Variants in BTBD8 observed in about 807,000 individuals in gnomAD.
BTBD8 encodes the protein BTB/POZ domain-containing protein 8.
Under a neutral mutation model 162.9 loss-of-function variants are expected in BTBD8, and 110 were observed. That is an observed-to-expected ratio of 0.68 (90% CI 0.58 to 0.79). The LOEUF is 0.79. BTBD8 is among the 30% of genes least tolerant of loss of function. BTBD8 has a pLI of 0.00. For missense variants in BTBD8, 1,905 were observed against 2,085.4 expected (o/e 0.91, Z 1.68); for synonymous variants, 667 against 716.1 (o/e 0.93, Z 1.10).
At chr1:92,128,901 T>C (rs112930138) in intron 4 of BTBD8, among the ~76,000 whole-genome samples, 2,149 of 152,174 alleles carry the variant, frequency 0.014, 59 homozygotes, top group African/African-American at 0.047. Flanking sequence ...TTGGTCATGG[T>C]AGGTTTTTTG....
intron 4 of BTBD8, among the ~76,000 whole-genome samples, chr1:92,117,971 C>T (rs1313741260): frequency 6.6e-6 from 1 of 151,958 alleles, no homozygotes; most frequent in Non-Finnish European, 1.5e-5. Context: ...TGGGTAGAAG[C>T]AGAATCCTAA....
rs1650880097 is a variant in BTBD8, at chr1:92,180,969, A to T, written c.3286A>T (p.Asn1096Tyr). ...STTALKYMVS[N>Y]PNENSLNSNP... ...CACAGCCCTAAAATACATGGTTTCA[A>T]ATCCAAATGAAAACTCCTTGAACTC... The change falls in exon 17 of 18, where the codon AAT becomes TAT. Residue 1096 changes from asparagine (N) to tyrosine (Y), a missense_variant. By Grantham distance (143) the Asn-to-Tyr change is moderately radical (BLOSUM62 -2). Around this residue, in one of 3 missense-constraint regions of BTBD8, gnomAD observed 1,374 missense variants for 1,442.7 expected, o/e 0.95. Transcript: ENST00000636805. The T allele has an allele frequency of 6.4e-7, 1 of 1,551,648 alleles. No homozygotes were observed. The highest frequency in any genetic ancestry group is 2.4e-5 in the East Asian group (1 of 40,918).
chr1:92,165,218 T>A (rs1478355916), intron 9 of BTBD8, among the ~76,000 whole-genome samples: 1 of 152,188 alleles, frequency 6.6e-6, no homozygotes, highest in East Asian at 1.9e-4. Flanking sequence ...TGATAGACTC[T>A]GTCACCAATC....
Position 92,182,432 on chromosome 1 carries a change from A to T in BTBD8, c.4749A>T (p.Pro1583=). Residue 1583 remains proline, a synonymous_variant, in exon 17 of 18, where the codon CCA becomes CCT. Coordinates refer to ENST00000636805, the MANE Select transcript of BTBD8 (RefSeq NM_001376131.1). The stretch of plus-strand genomic sequence containing the variant: ...GTGATGTAAAATCTCAAGAAAGACC[A>T]TGTCACTTGGATCTTCATCAAAGAG... The part of the protein sequence containing the change: ...LDSDVKSQER[P]CHLDLHQREP... 6.4e-7 allele frequency: 1 copy of T among 1,551,398 alleles called. No homozygotes were observed. Among genetic ancestry groups the T allele is most frequent in the Non-Finnish European group, 8.7e-7 (1 of 1,146,860 alleles).
At position 92,181,379 on chromosome 1, in the gene BTBD8, G is replaced by C; in HGVS notation, c.3696G>C (p.Val1232=). ...ESHETPETPF[V]GHWNLSTGVL... is the part of the protein sequence containing the mutation. ...ATGAAACTCCAGAAACTCCATTTGT[G>C]GGTCACTGGAATTTGAGTACTGGTG... is the stretch of plus-strand genomic sequence containing the variant. Residue 1232 remains valine (V), a synonymous_variant, in exon 17 of 18, where the codon GTG becomes GTC. Transcript: ENST00000636805. 6.4e-7 allele frequency: 1 copy of C among 1,551,626 alleles called. No individual in the cohort carries two copies. Among genetic ancestry groups the C allele is most frequent in the South Asian group, 1.2e-5 (1 of 84,060 alleles).
chr1:92,168,397 C>G (rs975647876), intron 11 of BTBD8, among the ~76,000 whole-genome samples: 9 of 90,190 alleles, frequency 1.0e-4, no homozygotes, highest in African/African-American at 2.7e-4. Context: ...TAATTTTTCT[C>G]TTCAAAAAAT....
chr1:92,096,177 C>G (rs12086426), intron 2 of BTBD8, among the ~76,000 whole-genome samples: 2,628 of 152,230 alleles, frequency 0.017, 94 homozygotes, highest in African/African-American at 0.06. Flanking sequence ...CCATGTTGGC[C>G]AGGCTGGTCT....
chr1:92,172,613 G>C (rs1650582662), intron 13 of BTBD8, among the ~76,000 whole-genome samples: 1 of 152,238 alleles, frequency 6.6e-6, no homozygotes, highest in Admixed American at 6.5e-5. Context: ...TAACCTCTGT[G>C]TGGTACAATG....
At chr1:92,126,601 C>G in intron 4 of BTBD8, 1 of 377,116 alleles carries the variant, frequency 2.7e-6, no homozygotes, top group African/African-American at 2.1e-5. Context: ...TTAAAAGTTG[C>G]ACTTATTGTA....
intron 13 of BTBD8, among the ~76,000 whole-genome samples, chr1:92,172,263 G>A (rs1480452686): frequency 6.6e-6 from 1 of 152,144 alleles, no homozygotes; most frequent in Non-Finnish European, 1.5e-5. Context: ...CTGAAAACTA[G>A]AGGGAGGGAG....
chr1:92,101,976 G>T (rs60278935), intron 2 of BTBD8, among the ~76,000 whole-genome samples: 2,097 of 152,142 alleles, frequency 0.014, 57 homozygotes, highest in African/African-American at 0.049. Flanking sequence ...AGGATTACAG[G>T]CGTGAGCCAT....
At chr1:92,135,956 C>T (rs190697698) in intron 5 of BTBD8, among the ~76,000 whole-genome samples, 1 of 152,200 alleles carries the variant, frequency 6.6e-6, no homozygotes, top group African/African-American at 2.4e-5. Context: ...AGTAATTATG[C>T]TAGGGTTTTA....
intron 9 of BTBD8, among the ~76,000 whole-genome samples, chr1:92,160,542 C>T (rs1650253556): frequency 6.6e-6 from 1 of 152,086 alleles, no homozygotes; most frequent in South Asian, 2.1e-4. Context: ...AACCTTCTTG[C>T]TAGTCCAACT....
At position 92,184,124 on chromosome 1, in the gene BTBD8, G is replaced by A. The variant is rs972816126; in HGVS notation, c.5173G>A (p.Ala1725Thr). Reference sequence around the variant, plus strand: ...TTCCGTTCCTGAAGACTTAAGTTTAGCACAGTATCTAATCAATCAGACACT... The same window carrying A: ...TTCCGTTCCTGAAGACTTAAGTTTAACACAGTATCTAATCAATCAGACACT... ...TNSVPEDLSLAQYLINQTLLL... is the reference protein window; with the variant it reads ...TNSVPEDLSLTQYLINQTLLL... Residue 1725 changes from alanine to threonine, a missense_variant, in exon 18 of 18, where the codon GCA becomes ACA. Transcript: ENST00000636805. 101 of 1,551,532 alleles carry A rather than the reference G, an allele frequency of 6.5e-5. 1 individual carries two copies. The East Asian group carries it at 2.5e-3, about 38-fold the overall frequency.
rs185391451 is a variant in BTBD8 at position 92,083,545 on chromosome 1, G to A, written c.149+2825G>A. On this transcript the variant is annotated intron_variant, in intron 1 of 17. Coordinates refer to ENST00000636805, the MANE Select transcript of BTBD8 (RefSeq NM_001376131.1). ...ATAAATAAATTTGGTAGCTTTATTC[G>A]GAAGGAGATTGCATGGCAGGCAATC... Among the ~76,000 whole-genome samples, 9 of 152,216 alleles carry A rather than the reference G, an allele frequency of 5.9e-5. No individual in the cohort carries two copies. In the East Asian group the frequency reaches 1.4e-3, roughly 23 times the overall value.
chr1:92,086,439 A>AG (rs1648162665), intron 1 of BTBD8, among the ~76,000 whole-genome samples: 1 of 152,154 alleles, frequency 6.6e-6, no homozygotes, highest in Non-Finnish European at 1.5e-5. Context: ...GAGACCAGCC[A>AG]GGGGAACATG....
intron 14 of BTBD8, 107 bp downstream of exon 14, chr1:92,177,653 C>A: frequency 1.2e-6 from 1 of 853,956 alleles, no homozygotes; most frequent in Non-Finnish European, 1.8e-6. Flanking sequence ...CAGATGCCAA[C>A]AGAATACTTA....
intron 7 of BTBD8, among the ~76,000 whole-genome samples, chr1:92,142,147 G>A (rs975115228): frequency 2.6e-5 from 4 of 152,126 alleles, no homozygotes; most frequent in Non-Finnish European, 5.9e-5. Flanking sequence ...TTCCTTTAAC[G>A]AACCATTCAC....
At chr1:92,173,573 TC>T (rs1426032725) in intron 13 of BTBD8, among the ~76,000 whole-genome samples, 2 of 152,172 alleles carry the variant, frequency 1.3e-5, no homozygotes, top group Non-Finnish European at 2.9e-5. Flanking sequence ...TTTTTCCTCA[TC>T]CTCCTGACTT....
Sources: allele counts gnomAD v4.1 joint callset (sites outside exome capture counted in the v4.1 genomes callset), GRCh38; gene constraint gnomAD v4.1.1; regional missense constraint gnomAD v4.1.1; transcripts MANE v1.5; gene names NCBI Gene and HGNC (gene_info 2026-07-23, HGNC 2026-07-21).